GSE1: variants seen among roughly 807,000 people sequenced by gnomAD.
GSE1 encodes genetic suppressor element 1.
A neutral mutation model predicts 112.6 loss-of-function variants in GSE1; 32 were observed. The ratio of observed to expected loss-of-function variants is 0.28; its 90% CI spans 0.21 to 0.38. The LOEUF is 0.38. Among genes scored for constraint, GSE1 ranks in the 10% least tolerant of loss-of-function variants. The probability of loss-of-function intolerance (pLI) is 1.00; values close to 1 mark genes in which losing one functional copy is unlikely to be tolerated. For missense variants in GSE1, 2,348 were observed against 1,699.2 expected, an observed-to-expected ratio of 1.38 and a Z score of -6.71; for synonymous variants, 1,115 against 735.6, an observed-to-expected ratio of 1.52 and a Z score of -8.35.
intron 1 of GSE1, among the ~76,000 whole-genome samples, chr16:85,234,944 G>C (rs973913887): frequency 7.2e-5 from 11 of 152,104 alleles, no homozygotes; most frequent in Admixed American, 6.5e-4. Context: ...GGGTTGCCCT[G>C]GGCCCCGCCG....
chr16:85,280,384 A>G (rs943557149), intron 1 of GSE1, among the ~76,000 whole-genome samples: 1 of 151,900 alleles, frequency 6.6e-6, no homozygotes, highest in Admixed American at 6.6e-5. Context: ...ACTGGGTCAT[A>G]TGGTCTATTT....
At chr16:85,397,520 C>G (rs1472424018) in intron 2 of GSE1, among the ~76,000 whole-genome samples, 2 of 152,236 alleles carry the variant, frequency 1.3e-5, no homozygotes, top group Non-Finnish European at 2.9e-5. Context: ...AGCCCTCTGC[C>G]TCTGTCTGCC....
intron 2 of GSE1, among the ~76,000 whole-genome samples, chr16:85,643,230 ATTGAC>A (rs1399529075): frequency 6.6e-6 from 1 of 152,220 alleles, no homozygotes. Flanking sequence ...GATCCGTTTC[ATTGAC>A]TTAACTCCTG....
At chr16:85,366,055 C>T (rs754925716) in intron 2 of GSE1, among the ~76,000 whole-genome samples, 7 of 152,364 alleles carry the variant, frequency 4.6e-5, no homozygotes, top group Admixed American at 6.5e-5. Context: ...GGCCCTGGGA[C>T]GGCTTTTGTC....
At chr16:85,321,854 T>C (rs1003300269) in intron 1 of GSE1, among the ~76,000 whole-genome samples, 1 of 151,650 alleles carries the variant, frequency 6.6e-6, no homozygotes, top group Non-Finnish European at 1.5e-5. Flanking sequence ...TAGAGGCTGA[T>C]TGGAACATCT....
At chr16:85,389,951 G>A (rs959443560) in intron 2 of GSE1, among the ~76,000 whole-genome samples, 3 of 152,156 alleles carry the variant, frequency 2.0e-5, no homozygotes, top group African/African-American at 7.2e-5. Context: ...TCTTCGTCTC[G>A]TTTTACCCCA....
intron 1 of GSE1, among the ~76,000 whole-genome samples, chr16:85,193,720 A>G (rs1171329005): frequency 2.0e-5 from 3 of 152,206 alleles, no homozygotes; most frequent in Non-Finnish European, 4.4e-5. Context: ...CAGCCTCCCA[A>G]AGTGCTGGGA....
chr16:85,320,519 A>G (rs2046083830), intron 1 of GSE1, among the ~76,000 whole-genome samples: 1 of 151,990 alleles, frequency 6.6e-6, no homozygotes, highest in Admixed American at 6.6e-5. Context: ...AGTCTCAAAC[A>G]CCTGGGCTCA....
chr16:85,666,967 G>T (rs139894127), intron 13 of GSE1, among the ~76,000 whole-genome samples: 21 of 152,372 alleles, frequency 1.4e-4, no homozygotes, highest in African/African-American at 5.0e-4. Context: ...ATCAAGTCAA[G>T]TGTAGGCATT....
chr16:85,349,704 G>A (rs867147255), intron 1 of GSE1, among the ~76,000 whole-genome samples: 9 of 152,260 alleles, frequency 5.9e-5, no homozygotes, highest in South Asian at 4.2e-4. Flanking sequence ...AAGAGGAGGC[G>A]ACGCCGTGTT....
chr16:85,590,370 AGTGT>A (rs770455531), intron 1 of GSE1, among the ~76,000 whole-genome samples: 1 of 135,688 alleles, frequency 7.4e-6, no homozygotes, highest in Non-Finnish European at 1.6e-5. Flanking sequence ...AATGAGTGTG[AGTGT>A]GTGAGATTGT....
chr16:85,448,079 C>G (rs974291559), intron 2 of GSE1, among the ~76,000 whole-genome samples: 2 of 152,238 alleles, frequency 1.3e-5, no homozygotes, highest in African/African-American at 4.8e-5. Flanking sequence ...CCTCTGCCTC[C>G]TCCCAGTCGT....
In GSE1 at chr16:85,170,957, G is replaced by C. The variant is rs2074349950; in HGVS notation, c.1433G>C (p.Arg478Pro). ...GAGGGCCTGCCCTCCGGGGCCCTGC[G>C]AGAGGCCTGCTACCTCTGTGGGGAG... Residue 478 changes from arginine to proline, a missense_variant, in exon 1 of 3, where the codon CGA becomes CCA. Arg to Pro is a moderately radical substitution (Grantham distance 103). Transcript: ENST00000637419. 6.1e-6 allele frequency: 6 copies of C among 985,494 alleles called. No homozygotes were observed. In the South Asian group the frequency reaches 1.4e-4, roughly 23 times the overall value. The allele number at this position is 985,494 out of a possible 1,614,324, so 61.0% of individuals were successfully genotyped here. A position where few individuals can be genotyped will look rare whatever the true frequency, so the allele number is the denominator to read the frequency against.
chr16:85,357,403 C>A, intron 1 of GSE1: 2 of 1,044,658 alleles, frequency 1.9e-6, no homozygotes, highest in Non-Finnish European at 2.4e-6. Context: ...AGAGTCCATT[C>A]ATGCATCATC....
Position 85,668,178 on chromosome 16 carries a change from G to A in GSE1, c.3169G>A (p.Val1057Ile), listed in dbSNP as rs1226170091. Reference protein sequence around the residue: ...AVLSAEQNHKVDTSVHYNIPE... With the variant: ...AVLSAEQNHKIDTSVHYNIPE... ...GCTGTCTGCAGAGCAGAACCACAAGGTTGACACGTCCGTCCACTACAACAT... is the reference window on the plus strand; with the variant it reads ...GCTGTCTGCAGAGCAGAACCACAAGATTGACACGTCCGTCCACTACAACAT... The change falls in exon 14 of 16, where the codon GTT becomes ATT. Residue 1057 changes from valine to isoleucine, a missense_variant. Physicochemically the swap from Val to Ile is conservative, Grantham distance 29 (BLOSUM62 3). Transcript: ENST00000253458. 3 of 1,607,404 alleles carry A rather than the reference G, an allele frequency of 1.9e-6. No individual in the cohort carries two copies. The highest frequency in any genetic ancestry group is 2.2e-5 in the East Asian group (1 of 44,772).
chr16:85,391,820 G>A (rs1328211227), intron 2 of GSE1, among the ~76,000 whole-genome samples: 2 of 152,116 alleles, frequency 1.3e-5, no homozygotes, highest in Admixed American at 6.5e-5. Flanking sequence ...ACCAATCTCC[G>A]AGCTCACCTG....
chr16:85,253,845 G>A (rs1906780117), intron 1 of GSE1, among the ~76,000 whole-genome samples: 1 of 152,178 alleles, frequency 6.6e-6, no homozygotes, highest in African/African-American at 2.4e-5. Flanking sequence ...GCCAGGAGGT[G>A]GGACAGGCTG....
chr16:85,250,922 G>A (rs1161231222), intron 1 of GSE1, among the ~76,000 whole-genome samples: 1 of 151,436 alleles, frequency 6.6e-6, no homozygotes, highest in Non-Finnish European at 1.5e-5. Flanking sequence ...CACAGCATGT[G>A]GACTTCTGTG....
At chr16:85,224,002 C>T (rs993000407) in intron 1 of GSE1, among the ~76,000 whole-genome samples, 3 of 151,870 alleles carry the variant, frequency 2.0e-5, no homozygotes, top group Non-Finnish European at 2.9e-5. Context: ...GAACTTTTAT[C>T]ATCACCCCAA....
Sources: allele counts gnomAD v4.1 joint callset (sites outside exome capture counted in the v4.1 genomes callset), GRCh38; gene constraint gnomAD v4.1.1; transcripts MANE v1.5; gene names NCBI Gene and HGNC (gene_info 2026-07-23, HGNC 2026-07-21).